Variants in NBEA observed in about 807,000 individuals in gnomAD.
NBEA encodes neurobeachin, also known as lysosomal-trafficking regulator 2.
Under a neutral mutation model 343.4 loss-of-function variants are expected in NBEA, and 44 were observed. The observed-to-expected ratio is 0.13, with a 90% CI of 0.10 to 0.16. The LOEUF is 0.16. Ranked by LOEUF, NBEA falls within the 10% of genes least tolerant of loss-of-function variation. The pLI is 1.00. For missense variants in NBEA, 2,555 were observed against 3,631.3 expected (o/e 0.70, Z 7.62); for synonymous variants, 1,175 against 1,238.7 (o/e 0.95, Z 1.08).
At chr13:35,329,419 G>A (rs1368764381) in intron 36 of NBEA, among the ~76,000 whole-genome samples, 1 of 151,886 alleles carries the variant, frequency 6.6e-6, no homozygotes, top group Non-Finnish European at 1.5e-5. Flanking sequence ...ATTCGTAATA[G>A]CCAAGGACTG....
At position 35,517,398 on chromosome 13, in the gene NBEA, T is replaced by C. The variant is rs191058720; in HGVS notation, c.6586-33079T>C. ...CAGCTCTATATTCTTAGCTGCCTGC[T>C]CTGTTGATTAGCTCTTAGTATGCTT... On this transcript the variant is annotated intron_variant, in intron 41 of 58. Transcript: ENST00000379939. Among the ~76,000 whole-genome samples the C allele has an allele frequency of 7.9e-5, 12 of 152,356 alleles. No homozygotes were observed. The East Asian group carries it at 2.3e-3, about 29-fold the overall frequency.
intron 36 of NBEA, among the ~76,000 whole-genome samples, chr13:35,344,481 T>G (rs1209646836): frequency 6.6e-6 from 1 of 152,008 alleles, no homozygotes; most frequent in African/African-American, 2.4e-5. Context: ...GATAAATGTT[T>G]ATTCATTAAC....
intron 46 of NBEA, among the ~76,000 whole-genome samples, chr13:35,584,296 C>G (rs989376034): frequency 6.6e-6 from 1 of 150,630 alleles, no homozygotes; most frequent in Non-Finnish European, 1.5e-5. Flanking sequence ...TATAAAGGAG[C>G]CAAAATTGAG....
At chr13:35,467,174 T>C (rs10161936) in intron 40 of NBEA, among the ~76,000 whole-genome samples, 33,197 of 152,030 alleles carry the variant, frequency 0.22, 3,763 homozygotes, top group South Asian at 0.35. Flanking sequence ...GTACCATACT[T>C]AAAAATAATG....
intron 13 of NBEA, among the ~76,000 whole-genome samples, chr13:35,111,802 A>G (rs2152660592): frequency 6.6e-6 from 1 of 150,902 alleles, no homozygotes; most frequent in East Asian, 1.9e-4. Context: ...ATGTCATATT[A>G]TTTTACAGTT....
chr13:35,158,952 T>C lies in NBEA; in HGVS notation c.2845-64T>C, dbSNP rs924879517. 3.0e-6 allele frequency: 4 copies of C among 1,315,588 alleles called. No individual in the cohort carries two copies. The Admixed American group carries it at 1.1e-4, about 35-fold the overall frequency. The allele number at this position is 1,315,588 out of a possible 1,614,324, so 81.5% of individuals were successfully genotyped here. A position where few individuals can be genotyped will look rare whatever the true frequency, so the allele number is the denominator to read the frequency against. On this transcript the variant is annotated intron_variant, in intron 21 of 58. Coordinates refer to ENST00000379939, the MANE Select transcript of NBEA (RefSeq NM_001385012.1). ...TTCTATTTCCACAATTTAATTTGTATTATTTAGTTTTTTCTTTTTGATATG... is the reference window on the plus strand; with the variant it reads ...TTCTATTTCCACAATTTAATTTGTACTATTTAGTTTTTTCTTTTTGATATG...
chr13:35,111,102 A>G (rs2066180625), intron 13 of NBEA, 124 bp downstream of exon 13: 1 of 722,862 alleles, frequency 1.4e-6, no homozygotes, highest in East Asian at 3.2e-5. Flanking sequence ...TATATAGCAA[A>G]CTGGCATATT....
chr13:35,127,689 A>G (rs973125291), intron 17 of NBEA, among the ~76,000 whole-genome samples: 8 of 152,194 alleles, frequency 5.3e-5, no homozygotes, highest in African/African-American at 1.4e-4. Context: ...TACATTTCTC[A>G]TAGTAGGGAA....
intron 24 of NBEA, chr13:35,164,976 T>G: frequency 2.3e-6 from 1 of 436,820 alleles, no homozygotes; most frequent in South Asian, 1.8e-5. Context: ...TAGGTCAATG[T>G]TAACTTTGTA....
Position 35,452,228 on chromosome 13 carries a change from C to T in NBEA, c.6441C>T (p.Asn2147=). The change falls in exon 40 of 59, where the codon AAC becomes AAT. Residue 2147 remains asparagine, a synonymous_variant. Transcript: ENST00000379939. Reference sequence around the variant, plus strand: ...TGCTACAGGAGAAAGAAATTGACAACCTTGCAGGTAAATTTTAAAATATAT... The same window carrying T: ...TGCTACAGGAGAAAGAAATTGACAATCTTGCAGGTAAATTTTAAAATATAT... ...VSLLQEKEID[N]LAGPVVLSTP... 1.3e-6 allele frequency: 2 copies of T among 1,566,058 alleles called. No individual in the cohort carries two copies. Among genetic ancestry groups the T allele is most frequent in the Non-Finnish European group, 1.7e-6 (2 of 1,156,176 alleles).
intron 10 of NBEA, among the ~76,000 whole-genome samples, chr13:35,074,262 A>G (rs1943925256): frequency 6.6e-6 from 1 of 152,174 alleles, no homozygotes; most frequent in Non-Finnish European, 1.5e-5. Flanking sequence ...ATGATTATGT[A>G]GACTGAGTAC....
chr13:35,373,898 AC>A (rs763256065), intron 38 of NBEA, among the ~76,000 whole-genome samples: 1 of 151,900 alleles, frequency 6.6e-6, no homozygotes, highest in Non-Finnish European at 1.5e-5. Flanking sequence ...GTGGAAGAAA[AC>A]CCATGTATAA....
At chr13:35,274,730 A>C (rs1255062091) in intron 34 of NBEA, among the ~76,000 whole-genome samples, 1 of 152,076 alleles carries the variant, frequency 6.6e-6, no homozygotes, top group Non-Finnish European at 1.5e-5. Context: ...TAGAGAGCCA[A>C]ATTATGAGTG....
chr13:35,207,959 G>A (rs901472526), intron 31 of NBEA, among the ~76,000 whole-genome samples: 4 of 152,104 alleles, frequency 2.6e-5, no homozygotes, highest in Non-Finnish European at 4.4e-5. Context: ...GGTGGCTCAC[G>A]CCTGTAATCC....
chr13:35,474,184 T>A (rs2075767466), intron 41 of NBEA: 1 of 152,602 alleles, frequency 6.6e-6, no homozygotes. Flanking sequence ...GGAAACAATT[T>A]AAAGTGAGAC....
chr13:35,450,276 C>T (rs755013325), intron 39 of NBEA, among the ~76,000 whole-genome samples: 7 of 151,438 alleles, frequency 4.6e-5, no homozygotes, highest in Non-Finnish European at 5.9e-5. Context: ...GGAGTTCAAG[C>T]CCAGCCTGAG....
chr13:34,977,528 C>T (rs192171551), intron 1 of NBEA, among the ~76,000 whole-genome samples: 44 of 152,178 alleles, frequency 2.9e-4, no homozygotes, highest in South Asian at 6.2e-4. Flanking sequence ...AGGCTGATCT[C>T]GAACTCCTGA....
chr13:35,072,113 A>G (rs930648183), intron 10 of NBEA, among the ~76,000 whole-genome samples: 1 of 152,112 alleles, frequency 6.6e-6, no homozygotes, highest in Non-Finnish European at 1.5e-5. Flanking sequence ...TTTAAATTCA[A>G]AATGTTTTAC....
chr13:35,043,097 T>G (rs1355975125), intron 2 of NBEA, among the ~76,000 whole-genome samples: 1 of 151,864 alleles, frequency 6.6e-6, no homozygotes, highest in Non-Finnish European at 1.5e-5. Context: ...ACTGAGCTGC[T>G]TGGTTGTGTT....
Sources: allele counts gnomAD v4.1 joint callset (sites outside exome capture counted in the v4.1 genomes callset), GRCh38; gene constraint gnomAD v4.1.1; transcripts MANE v1.5; gene names NCBI Gene and HGNC (gene_info 2026-07-23, HGNC 2026-07-21).